The following NQO1 variants were observed in gnomAD, a reference collection of about 807,000 sequenced individuals.
The protein encoded by NQO1 is NAD(P)H quinone dehydrogenase 1, also known as NAD(P)H dehydrogenase [quinone] 1.
A neutral mutation model predicts 32.1 loss-of-function variants in NQO1; 30 were observed. That is an observed-to-expected ratio of 0.94 (90% confidence interval 0.70 to 1.27). NQO1 has a LOEUF of 1.27. Ranked by LOEUF, NQO1 falls within the 50% of genes most tolerant of loss-of-function variation. NQO1 has a pLI of 0.00. For synonymous variants in NQO1, 109 were observed against 119.7 expected, an observed-to-expected ratio of 0.91 and a Z score of 0.59; for missense variants, 276 against 331.3, an observed-to-expected ratio of 0.83 and a Z score of 1.30.
At chr16:69,714,528 A>C (rs1303361972) in intron 4 of NQO1, among the ~76,000 whole-genome samples, 1 of 151,838 alleles carries the variant, frequency 6.6e-6, no homozygotes, top group African/African-American at 2.4e-5. Flanking sequence ...TAAAAACTTG[A>C]TCATGCGTCT....
Position 69,711,009 on chromosome 16 carries a change from G to A in NQO1, c.792C>T (p.Ile264=). ...LSVGHHLGKS[I]PTDNQIKARK ...TAGCTTTGATCTGGTTGTCAGTTGG[G>A]ATGGACTTGCCCAAGTGATGGCCCA... is the stretch of plus-strand genomic sequence containing the variant. The change falls in exon 6 of 6, where the codon ATC becomes ATT. Residue 264 remains isoleucine (I), a synonymous_variant. Coordinates refer to ENST00000320623, the MANE Select transcript of NQO1 (RefSeq NM_000903.3). The A allele has an allele frequency of 6.2e-7, 1 of 1,614,014 alleles. No individual in the cohort carries two copies. Among genetic ancestry groups the A allele is most frequent in the Non-Finnish European group, 8.5e-7 (1 of 1,179,978 alleles).
chr16:69,717,905 C>T (rs761888594), intron 3 of NQO1: 10 of 654,272 alleles, frequency 1.5e-5, no homozygotes, highest in Non-Finnish European at 2.5e-5. Flanking sequence ...GCCACCGTGC[C>T]TGGCCTTGCA....
chr16:69,720,784 A>G (rs1164823489), intron 1 of NQO1, among the ~76,000 whole-genome samples: 1 of 152,220 alleles, frequency 6.6e-6, no homozygotes, highest in Non-Finnish European at 1.5e-5. Flanking sequence ...CTTTTATATT[A>G]ACAAGGTTGT....
Position 69,718,411 on chromosome 16 carries a change from G to C in NQO1, c.131C>G (p.Ala44Gly), listed in dbSNP as rs1191862233. Residue 44 changes from alanine (A) to glycine (G), a missense_variant, in exon 2 of 6, where the codon GCC becomes GGC. Transcript: ENST00000320623. Reference sequence around the variant, plus strand: ...GGAAATGATGGGATTGAAGTTCATGGCATAGAGGTCCGACTCCACCACCTC... The same window carrying C: ...GGAAATGATGGGATTGAAGTTCATGCCATAGAGGTCCGACTCCACCACCTC... ...GWEVVESDLY[A>G]MNFNPIISRK... 6.2e-7 allele frequency: 1 copy of C among 1,614,052 alleles called. No homozygotes were observed.
chr16:69,726,180 C>T (rs2038258614), intron 1 of NQO1, among the ~76,000 whole-genome samples: 1 of 152,170 alleles, frequency 6.6e-6, no homozygotes, highest in Non-Finnish European at 1.5e-5. Context: ...ATTTCTGCTT[C>T]CAAGGTCAAG....
intron 3 of NQO1, among the ~76,000 whole-genome samples, chr16:69,717,105 G>A (rs1190004820): frequency 3.8e-4 from 55 of 144,900 alleles, no homozygotes; most frequent in African/African-American, 1.1e-3. Context: ...GAGAGAGAGA[G>A]AAAAAAAAAA....
In NQO1 at chr16:69,709,598, T is replaced by C; in HGVS notation, c.*1378A>G. 1 of 392,982 alleles carries C rather than the reference T, an allele frequency of 2.5e-6. No individual in the cohort carries two copies. The allele number at this position is 392,982 out of a possible 1,614,324, so 24.3% of individuals were successfully genotyped here. On this transcript the variant is annotated 3_prime_UTR_variant, in exon 6 of 6. Coordinates refer to ENST00000320623, the MANE Select transcript of NQO1 (RefSeq NM_000903.3). ...AAGGAGGTTTTCCAGCTCGGTCCAA[T>C]CCCTTCATTTTCTTGGCAAGTAAGA...
chr16:69,716,440 C>T (rs748567104), intron 3 of NQO1, among the ~76,000 whole-genome samples: 4 of 150,690 alleles, frequency 2.7e-5, no homozygotes, highest in Admixed American at 6.6e-5. Flanking sequence ...TGCAGTGAGC[C>T]GAGATTGCAC....
At chr16:69,718,040 A>C in intron 3 of NQO1, 83 bp downstream of exon 3, 1 of 1,558,442 alleles carries the variant, frequency 6.4e-7, no homozygotes, top group Non-Finnish European at 8.7e-7. Context: ...GTAACTGTTT[A>C]AGATCTCATA....
intron 4 of NQO1, among the ~76,000 whole-genome samples, chr16:69,714,320 G>A (rs1275483603): frequency 3.3e-5 from 5 of 150,104 alleles, no homozygotes; most frequent in Admixed American, 6.7e-5. Context: ...GTAGATGCCC[G>A]CCACCACACC....
intron 1 of NQO1, 94 bp from the exon 2 acceptor site, chr16:69,718,628 G>A (rs2038149419): frequency 9.9e-6 from 13 of 1,313,736 alleles, no homozygotes; most frequent in African/African-American, 1.5e-5. Flanking sequence ...AGGAGGGGGC[G>A]GCTTTGTTTG....
Position 69,722,973 on chromosome 16 carries a change from G to T in NQO1, c.7+3460C>A, listed in dbSNP as rs566014069. ...GACAGAGTTTCGCTCTGTCGCCCAGGCTGGAGTGCAGTGGCGCGATCTCGG... is the reference window on the plus strand; with the variant it reads ...GACAGAGTTTCGCTCTGTCGCCCAGTCTGGAGTGCAGTGGCGCGATCTCGG... On this transcript the variant is annotated intron_variant, in intron 1 of 5. Coordinates refer to ENST00000320623, the MANE Select transcript of NQO1 (RefSeq NM_000903.3). 4.6e-5 allele frequency among the ~76,000 whole-genome samples: 7 copies of T among 152,302 alleles called. No individual in the cohort carries two copies. The East Asian group carries it at 1.2e-3, about 25-fold the overall frequency.
intron 1 of NQO1, among the ~76,000 whole-genome samples, chr16:69,721,964 C>G (rs2038197392): frequency 6.6e-6 from 1 of 152,018 alleles, no homozygotes; most frequent in Admixed American, 6.6e-5. Context: ...GATCACACCA[C>G]TGTACTCCAG....
At chr16:69,714,434 G>T (rs891949437) in intron 4 of NQO1, among the ~76,000 whole-genome samples, 1 of 151,698 alleles carries the variant, frequency 6.6e-6, no homozygotes, top group African/African-American at 2.4e-5. Flanking sequence ...GCCTCCCAAA[G>T]TGCTGAAATT....
intron 5 of NQO1, among the ~76,000 whole-genome samples, chr16:69,711,592 G>A (rs1362683261): frequency 6.6e-6 from 1 of 151,896 alleles, no homozygotes; most frequent in Non-Finnish European, 1.5e-5. Flanking sequence ...GACTCACCAA[G>A]ACCTGCGTGG....
In NQO1 at chr16:69,710,806, A is replaced by G; in HGVS notation, c.*170T>C. The G allele has an allele frequency of 1.3e-6, 1 of 752,332 alleles. No homozygotes were observed. The highest frequency in any genetic ancestry group is 2.0e-5 in the South Asian group (1 of 49,568). 46.6% of individuals were successfully genotyped at this position (752,332 alleles called of 1,614,324 possible). Reference sequence around the variant, plus strand: ...GGTTATATGCCATGATAGTAATCATAAGAATCAGTTAAAAATGATCCAAAA... The same window carrying G: ...GGTTATATGCCATGATAGTAATCATGAGAATCAGTTAAAAATGATCCAAAA... On this transcript the variant is annotated 3_prime_UTR_variant, in exon 6 of 6. Transcript: ENST00000320623.
intron 3 of NQO1, among the ~76,000 whole-genome samples, chr16:69,717,046 C>A (rs1597599651): frequency 1.4e-5 from 2 of 141,186 alleles, no homozygotes; most frequent in Non-Finnish European, 3.0e-5. Context: ...TAAAGGACTT[C>A]AAGGATTGGA....
chr16:69,721,196 T>C (rs991410570), intron 1 of NQO1, among the ~76,000 whole-genome samples: 4 of 152,132 alleles, frequency 2.6e-5, no homozygotes, highest in Non-Finnish European at 5.9e-5. Context: ...CGGCCTGCAC[T>C]TTCTTCCTTT....
chr16:69,724,715 A>C (rs775589039), intron 1 of NQO1, among the ~76,000 whole-genome samples: 3 of 152,104 alleles, frequency 2.0e-5, no homozygotes, highest in Non-Finnish European at 4.4e-5. Context: ...AGAAAAAAAG[A>C]AGTATGATAA....
Sources: gnomAD v4.1 joint callset for allele counts (sites outside exome capture counted in the v4.1 genomes callset) on GRCh38, gnomAD v4.1.1 for gene constraint, MANE v1.5 for transcripts, NCBI Gene and HGNC (gene_info 2026-07-23, HGNC 2026-07-21) for gene names.